REXO2: variants seen among roughly 807,000 people sequenced by gnomAD.
REXO2 encodes the protein oligoribonuclease, mitochondrial.
A neutral mutation model predicts 30.9 loss-of-function variants in REXO2; 17 were observed. The ratio of observed to expected loss-of-function variants is 0.55; its 90% confidence interval spans 0.38 to 0.82. The LOEUF is 0.82. Among genes scored for constraint, REXO2 ranks in the 40% least tolerant of loss-of-function variants. The pLI is 0.00. For missense variants in REXO2, 253 were observed against 293.2 expected (o/e 0.86, Z 1.00); for synonymous variants, 105 against 99.6 (o/e 1.05, Z -0.32).
intron 2 of REXO2, 157 bp downstream of exon 2, chr11:114,440,896 A>G: frequency 4.0e-6 from 2 of 504,700 alleles, no homozygotes. Flanking sequence ...CTAGAACCAA[A>G]GTAATCCATC....
chr11:114,441,737 C>T (rs1168231082), intron 2 of REXO2: 6 of 702,128 alleles, frequency 8.5e-6, no homozygotes, highest in Admixed American at 2.0e-5. Context: ...GTTTGTTTTG[C>T]TGTGTAGGTA....
chr11:114,444,686 T>C, intron 4 of REXO2, 34 bp downstream of exon 4: 1 of 1,385,578 alleles, frequency 7.2e-7, no homozygotes, highest in Non-Finnish European at 9.8e-7. Flanking sequence ...CTTATAGTCT[T>C]CCATATGTAG....
At chr11:114,448,876 G>A (rs552003990) in intron 6 of REXO2, 1 of 152,354 alleles carries the variant, frequency 6.6e-6, no homozygotes, top group South Asian at 2.1e-4. Context: ...CAGTTTTGTG[G>A]ATAAGATATT....
chr11:114,447,215 C>T (rs1279010666), intron 5 of REXO2, among the ~76,000 whole-genome samples: 2 of 151,974 alleles, frequency 1.3e-5, no homozygotes, highest in African/African-American at 2.4e-5. Context: ...CGTGAGCCAC[C>T]GCGCCCGGCC....
chr11:114,450,152 C>T lies in REXO2; in HGVS notation c.*177C>T, dbSNP rs1946536467. 2 of 493,452 alleles carry T rather than the reference C, an allele frequency of 4.1e-6. No homozygotes were observed. The highest frequency in any genetic ancestry group is 6.9e-6 in the Non-Finnish European group (2 of 289,260). 30.6% of individuals were successfully genotyped at this position (493,452 alleles called of 1,614,324 possible). A position where few individuals can be genotyped will look rare whatever the true frequency, so the allele number is the denominator to read the frequency against. On this transcript the variant is annotated 3_prime_UTR_variant, in exon 7 of 7. Transcript: ENST00000265881. Reference sequence around the variant, plus strand: ...TCCTAATATGCTGTTTCCATTATGACACAGCAGCTCCTTTGTAAGTACCAG... The same window carrying T: ...TCCTAATATGCTGTTTCCATTATGATACAGCAGCTCCTTTGTAAGTACCAG...
chr11:114,442,290 G>A (rs1266577338), intron 2 of REXO2, among the ~76,000 whole-genome samples: 2 of 152,074 alleles, frequency 1.3e-5, no homozygotes, highest in East Asian at 3.9e-4. Context: ...TGTAGGTGTG[G>A]TCCCTTGGCT....
Position 114,449,803 on chromosome 11 carries a change from C to T in REXO2, c.585-43C>T, listed in dbSNP as rs148205773. Reference sequence around the variant, plus strand: ...GTACTTTTAAAATGATTTTCATCTCCTGGTTTTGGACAGTTCATTCATTGT... The same window carrying T: ...GTACTTTTAAAATGATTTTCATCTCTTGGTTTTGGACAGTTCATTCATTGT... On this transcript the variant is annotated intron_variant, in intron 6 of 6. Transcript: ENST00000265881. 1,032 of 1,550,150 alleles carry T rather than the reference C, an allele frequency of 6.7e-4. 3 individuals carry two copies. The Middle Eastern group carries it at 9.4e-3, about 14-fold the overall frequency.
At chr11:114,447,203 G>A (rs1263423612) in intron 5 of REXO2, among the ~76,000 whole-genome samples, 2 of 152,172 alleles carry the variant, frequency 1.3e-5, no homozygotes, top group Non-Finnish European at 2.9e-5. Context: ...TGGGATTACA[G>A]GCGTGAGCCA....
At chr11:114,440,103 AGT>A in intron 1 of REXO2, 1 of 468,404 alleles carries the variant, frequency 2.1e-6, no homozygotes, top group South Asian at 1.5e-5. Context: ...TCATTCCATA[AGT>A]GAGAACATTG....
chr11:114,441,310 TA>T (rs2134782460), intron 2 of REXO2, among the ~76,000 whole-genome samples: 1 of 152,368 alleles, frequency 6.6e-6, no homozygotes, highest in Admixed American at 6.5e-5. Context: ...ACTCCATATT[TA>T]CAATTCTGCC....
Position 114,450,266 on chromosome 11 carries a change from T to A in REXO2, c.*291T>A, listed in dbSNP as rs1317050638. The A allele has an allele frequency of 2.2e-5, 4 of 183,442 alleles. No individual in the cohort carries two copies. The highest frequency in any genetic ancestry group is 4.5e-5 in the Non-Finnish European group (4 of 88,808). The allele number at this position is 183,442 out of a possible 1,614,324, so 11.4% of individuals were successfully genotyped here. On this transcript the variant is annotated 3_prime_UTR_variant, in exon 7 of 7. Coordinates refer to ENST00000265881, the MANE Select transcript of REXO2 (RefSeq NM_015523.4). ...ATAAATAAGTAAATAAAGCTAGTTC[T>A]ATTGAAATGCAAACCTTTTTGTACC...
At chr11:114,446,248 G>A (rs778222022) in intron 5 of REXO2, 161 bp downstream of exon 5, 34 of 432,772 alleles carry the variant, frequency 7.9e-5, no homozygotes, top group Non-Finnish European at 1.3e-4. Context: ...ACTTACCCTG[G>A]ACTGGTGAGA....
chr11:114,442,067 T>G (rs572128097), intron 2 of REXO2, among the ~76,000 whole-genome samples: 1 of 151,972 alleles, frequency 6.6e-6, no homozygotes, highest in East Asian at 1.9e-4. Context: ...TAGGTTGATA[T>G]GTACCCTGGA....
At position 114,450,171 on chromosome 11, in the gene REXO2, G is replaced by A. The variant is rs1372660815; in HGVS notation, c.*196G>A. 1 of 424,994 alleles carries A rather than the reference G, an allele frequency of 2.4e-6. No individual in the cohort carries two copies. The highest frequency in any genetic ancestry group is 2.1e-5 in the African/African-American group (1 of 47,844). The allele number at this position is 424,994 out of a possible 1,614,324, so 26.3% of individuals were successfully genotyped here. ...TTATGACACAGCAGCTCCTTTGTAAGTACCAGGTCATGTCCATCCCTTGGT... is the reference window on the plus strand; with the variant it reads ...TTATGACACAGCAGCTCCTTTGTAAATACCAGGTCATGTCCATCCCTTGGT... On this transcript the variant is annotated 3_prime_UTR_variant, in exon 7 of 7. Coordinates refer to ENST00000265881, the MANE Select transcript of REXO2 (RefSeq NM_015523.4).
At chr11:114,445,071 A>C (rs28679554) in intron 4 of REXO2, 21,610 of 152,666 alleles carry the variant, frequency 0.14, 1,656 homozygotes, top group Middle Eastern at 0.3. Context: ...ACATTTTCTT[A>C]TGTAATACAA....
intron 2 of REXO2, among the ~76,000 whole-genome samples, chr11:114,442,918 A>G (rs2134783662): frequency 6.6e-6 from 1 of 152,328 alleles, no homozygotes; most frequent in East Asian, 1.9e-4. Context: ...AAAACAGTGT[A>G]ACTATCCAAA....
intron 1 of REXO2, chr11:114,439,987 G>C: frequency 5.9e-6 from 3 of 504,446 alleles, no homozygotes; most frequent in Non-Finnish European, 7.2e-6. Flanking sequence ...CACTGGAGTG[G>C]GGGCGGGGGC....
chr11:114,447,699 G>A lies in REXO2; in HGVS notation c.531-127G>A, dbSNP rs1180854885. The A allele has an allele frequency of 1.2e-5, 8 of 688,774 alleles. No individual in the cohort carries two copies. The Admixed American group carries it at 2.1e-4, about 18-fold the overall frequency. 42.7% of individuals were successfully genotyped at this position (688,774 alleles called of 1,614,324 possible). On this transcript the variant is annotated intron_variant, in intron 5 of 6. Coordinates refer to ENST00000265881, the MANE Select transcript of REXO2 (RefSeq NM_015523.4). ...GAGAGGGTAGAAGATAGAGGCCCCG[G>A]CAAAGAAGCAACTTGAGAATCATGA...
intron 2 of REXO2, among the ~76,000 whole-genome samples, chr11:114,441,255 G>T (rs763372594): frequency 3.9e-5 from 6 of 152,126 alleles, no homozygotes; most frequent in Non-Finnish European, 8.8e-5. Flanking sequence ...TTGGTGACTC[G>T]TGCCAATGTT....
Sources: gnomAD v4.1 joint callset for allele counts (sites outside exome capture counted in the v4.1 genomes callset) on GRCh38, gnomAD v4.1.1 for gene constraint, MANE v1.5 for transcripts, NCBI Gene and HGNC (gene_info 2026-07-23, HGNC 2026-07-21) for gene names.